Variants in MKLN1 observed in about 807,000 individuals in gnomAD.
MKLN1 encodes the protein muskelin.
Under a neutral mutation model 99.0 loss-of-function variants are expected in MKLN1, and 18 were observed. The observed-to-expected ratio is 0.18, with a 90% CI of 0.13 to 0.27. The LOEUF (loss-of-function observed/expected upper bound fraction) is 0.27, where lower values mean the gene tolerates loss of function less well. Among genes scored for constraint, MKLN1 ranks in the 10% least tolerant of loss-of-function variants. MKLN1 has a pLI of 1.00. For missense variants in MKLN1, 621 were observed against 875.9 expected (o/e 0.71, Z 3.67); for synonymous variants, 288 against 293.2 (o/e 0.98, Z 0.18).
intron 7 of MKLN1, among the ~76,000 whole-genome samples, chr7:131,412,477 G>T (rs1413129264): frequency 6.6e-6 from 1 of 152,170 alleles, no homozygotes; most frequent in Non-Finnish European, 1.5e-5. Context: ...ATAAATATCA[G>T]TACATTTAAA....
intron 1 of MKLN1, among the ~76,000 whole-genome samples, chr7:131,355,382 A>G (rs909520102): frequency 6.6e-6 from 1 of 151,920 alleles, no homozygotes; most frequent in Non-Finnish European, 1.5e-5. Flanking sequence ...TTGTATTTTT[A>G]TGATGAGTCT....
At chr7:131,133,813 TA>T (rs1795601609) in intron 1 of MKLN1, among the ~76,000 whole-genome samples, 9 of 123,882 alleles carry the variant, frequency 7.3e-5, no homozygotes, top group Admixed American at 2.7e-4. Flanking sequence ...TTTTTTTTTT[TA>T]ATTTGGTTTT....
chr7:131,231,474 T>C (rs535186945), intron 3 of MKLN1, among the ~76,000 whole-genome samples: 3 of 152,274 alleles, frequency 2.0e-5, no homozygotes, highest in Admixed American at 6.5e-5. Flanking sequence ...CAGCATTTAT[T>C]AGTGCTGGTT....
At chr7:131,378,600 C>T (rs1024751867) in intron 2 of MKLN1, among the ~76,000 whole-genome samples, 3 of 152,026 alleles carry the variant, frequency 2.0e-5, no homozygotes, top group South Asian at 2.1e-4. Context: ...GAGGCCAAGA[C>T]GGGTGGATCA....
rs181074673 is a variant in MKLN1 at position 131,495,390 on chromosome 7, A to G, written c.*7662A>G. 1.3e-5 allele frequency: 2 copies of G among 152,326 alleles called. No individual in the cohort carries two copies. The highest frequency in any genetic ancestry group is 6.5e-5 in the Admixed American group (1 of 15,302). 9.4% of individuals were successfully genotyped at this position (152,326 alleles called of 1,614,324 possible). On this transcript the variant is annotated 3_prime_UTR_variant, in exon 18 of 18. Coordinates refer to ENST00000352689, the MANE Select transcript of MKLN1 (RefSeq NM_013255.5). ...TGGTGCTGTAACCAGCTGAGCCGAA[A>G]GTTGGAGAATGTTAAATATCTTATA... is the stretch of plus-strand genomic sequence containing the variant.
chr7:131,402,514 A>G (rs1337810915), intron 6 of MKLN1, among the ~76,000 whole-genome samples: 1 of 152,206 alleles, frequency 6.6e-6, no homozygotes, highest in Non-Finnish European at 1.5e-5. Flanking sequence ...GGCATCTAGA[A>G]TGGTGAATCC....
chr7:131,297,341 C>G (rs920877549), intron 3 of MKLN1, among the ~76,000 whole-genome samples: 2 of 151,838 alleles, frequency 1.3e-5, no homozygotes, highest in African/African-American at 4.8e-5. Flanking sequence ...AGTCTGGTGA[C>G]AGAGCGAGAC....
At position 131,228,279 on chromosome 7, in the gene MKLN1, C is replaced by T. The variant is rs572646779; in HGVS notation, c.-179+25305C>T. On this transcript the variant is annotated intron_variant, in intron 3 of 7. Coordinates refer to the MKLN1 transcript ENST00000416992. The stretch of plus-strand genomic sequence containing the variant: ...TCTGCCATGTTGCCTAGGCTGGTCT[C>T]AGCAATAGAACATTCTTATCAGAAC... Among the ~76,000 whole-genome samples, 225 of 152,306 alleles carry T rather than the reference C, an allele frequency of 1.5e-3. 1 individual carries two copies. The highest frequency in any genetic ancestry group is 2.1e-3 in the Non-Finnish European group (144 of 68,024).
intron 12 of MKLN1, among the ~76,000 whole-genome samples, chr7:131,457,012 T>A (rs1464252831): frequency 1.3e-5 from 2 of 151,974 alleles, no homozygotes; most frequent in African/African-American, 4.8e-5. Context: ...GGGTGATGGC[T>A]AGTGCCTGTA....
At chr7:131,132,318 C>T (rs1795563614) in intron 1 of MKLN1, among the ~76,000 whole-genome samples, 1 of 152,168 alleles carries the variant, frequency 6.6e-6, no homozygotes, top group African/African-American at 2.4e-5. Flanking sequence ...TTTCTAACTG[C>T]TTATACCAGA....
intron 1 of MKLN1, among the ~76,000 whole-genome samples, chr7:131,334,028 A>G (rs1799180389): frequency 6.6e-6 from 1 of 152,346 alleles, no homozygotes; most frequent in African/African-American, 2.4e-5. Context: ...ATATAATTCA[A>G]AAGTGATAAT....
intron 3 of MKLN1, among the ~76,000 whole-genome samples, chr7:131,224,254 A>G (rs1797104051): frequency 6.6e-6 from 1 of 151,956 alleles, no homozygotes; most frequent in Non-Finnish European, 1.5e-5. Context: ...AAAATTTAAA[A>G]ATTAGCTGGG....
chr7:131,461,729 A>G (rs1173870177), intron 12 of MKLN1, among the ~76,000 whole-genome samples: 2 of 152,172 alleles, frequency 1.3e-5, no homozygotes, highest in East Asian at 1.9e-4. Flanking sequence ...AGCACATGAT[A>G]ATTGTTCATG....
At chr7:131,241,239 A>G (rs553607650) in intron 3 of MKLN1, among the ~76,000 whole-genome samples, 1 of 152,082 alleles carries the variant, frequency 6.6e-6, no homozygotes, top group East Asian at 1.9e-4. Flanking sequence ...TTAGCCAGGC[A>G]TGGTGGCACA....
intron 3 of MKLN1, among the ~76,000 whole-genome samples, chr7:131,314,450 T>A (rs1188714394): frequency 6.6e-6 from 1 of 152,092 alleles, no homozygotes; most frequent in African/African-American, 2.4e-5. Context: ...TGAGATGGAG[T>A]CTCGCTCTGT....
In MKLN1 at chr7:131,430,392, T is replaced by C. The variant is rs549330553; in HGVS notation, c.960+1247T>C. ...AAGTATGTGTAAGTGGCCTTCCTGT[T>C]TCAGTATTGAAGTACTGTTCTCTGA... On this transcript the variant is annotated intron_variant, in intron 9 of 17. Transcript: ENST00000352689. Among the ~76,000 whole-genome samples, 78 of 152,190 alleles carry C rather than the reference T, an allele frequency of 5.1e-4. 1 individual carries two copies. Among genetic ancestry groups the C allele is most frequent in the Non-Finnish European group, 9.4e-4 (64 of 68,042 alleles).
At chr7:131,137,060 C>T (rs1795659643) in intron 1 of MKLN1, among the ~76,000 whole-genome samples, 1 of 151,980 alleles carries the variant, frequency 6.6e-6, no homozygotes, top group Non-Finnish European at 1.5e-5. Flanking sequence ...CCTGTGTTGC[C>T]CAGGCTGGTC....
intron 1 of MKLN1, among the ~76,000 whole-genome samples, chr7:131,328,742 A>T (rs1798974347): frequency 6.6e-6 from 1 of 152,200 alleles, no homozygotes; most frequent in South Asian, 2.1e-4. Context: ...TCTGGCTTTA[A>T]TGAATTTGAT....
chr7:131,373,926 T>G (rs1418401530), intron 1 of MKLN1, among the ~76,000 whole-genome samples: 8 of 151,890 alleles, frequency 5.3e-5, no homozygotes, highest in Admixed American at 2.6e-4. Flanking sequence ...AGTCTTTCCT[T>G]GTTTTTTATT....
Sources: gnomAD v4.1 joint callset for allele counts (sites outside exome capture counted in the v4.1 genomes callset) on GRCh38, gnomAD v4.1.1 for gene constraint, MANE v1.5 for transcripts, NCBI Gene and HGNC (gene_info 2026-07-23, HGNC 2026-07-21) for gene names.